NELL1: variants seen among roughly 807,000 people sequenced by gnomAD.
NELL1 encodes the protein neural EGFL like 1, also known as protein kinase C-binding protein NELL1.
Under a neutral mutation model 107.4 loss-of-function variants are expected in NELL1, and 76 were observed. The observed-to-expected ratio is 0.71, with a 90% CI of 0.59 to 0.86. NELL1 has a LOEUF of 0.86. NELL1 is among the 40% of genes least tolerant of loss of function. The probability of loss-of-function intolerance (pLI) is 0.00; values close to 1 mark genes in which losing one functional copy is unlikely to be tolerated. For missense variants in NELL1, 1,024 were observed against 1,005.5 expected, an observed-to-expected ratio of 1.02 and a Z score of -0.25; for synonymous variants, 353 against 341.2, an observed-to-expected ratio of 1.03 and a Z score of -0.38.
At chr11:21,290,108 G>A (rs138361034) in intron 14 of NELL1, among the ~76,000 whole-genome samples, 4,512 of 152,224 alleles carry the variant, frequency 0.03, 232 homozygotes, top group African/African-American at 0.1. Flanking sequence ...GGTGGCTCAC[G>A]CCTGTAATCC....
chr11:21,478,311 A>G (rs1324019968), intron 15 of NELL1, among the ~76,000 whole-genome samples: 1 of 152,142 alleles, frequency 6.6e-6, no homozygotes, highest in African/African-American at 2.4e-5. Context: ...TGAGATTTGG[A>G]TGGGGACAGA....
intron 14 of NELL1, among the ~76,000 whole-genome samples, chr11:21,352,396 G>T (rs1850837168): frequency 6.6e-6 from 1 of 152,010 alleles, no homozygotes; most frequent in African/African-American, 2.4e-5. Flanking sequence ...GTAGTATTTT[G>T]ATTGATAGTT....
chr11:20,995,708 T>C (rs1031968282), intron 12 of NELL1, among the ~76,000 whole-genome samples: 17 of 152,226 alleles, frequency 1.1e-4, no homozygotes, highest in African/African-American at 4.1e-4. Context: ...TTATTGTGTA[T>C]CAATCAATAA....
intron 7 of NELL1, among the ~76,000 whole-genome samples, chr11:20,922,175 A>G (rs759205987): frequency 5.9e-5 from 9 of 151,882 alleles, no homozygotes; most frequent in Middle Eastern, 3.4e-3. Flanking sequence ...CTTTTCCCCA[A>G]CTCTGTCCCC....
intron 19 of NELL1, among the ~76,000 whole-genome samples, chr11:21,574,497 C>G (rs1357484696): frequency 6.6e-6 from 1 of 151,798 alleles, no homozygotes; most frequent in Non-Finnish European, 1.5e-5. Flanking sequence ...CCTAACTATG[C>G]ACTATCCCCT....
At chr11:21,292,700 C>A (rs1220142821) in intron 14 of NELL1, among the ~76,000 whole-genome samples, 2 of 152,056 alleles carry the variant, frequency 1.3e-5, no homozygotes, top group East Asian at 3.9e-4. Context: ...CTACAGTAAC[C>A]AAAACATCAT....
intron 12 of NELL1, among the ~76,000 whole-genome samples, chr11:21,113,280 C>G (rs1300841075): frequency 6.6e-6 from 1 of 151,980 alleles, no homozygotes; most frequent in Non-Finnish European, 1.5e-5. Context: ...GGACACAGAA[C>G]TCCTTGAATT....
chr11:21,256,084 T>A (rs1311316842), intron 14 of NELL1, among the ~76,000 whole-genome samples: 1 of 151,958 alleles, frequency 6.6e-6, no homozygotes, highest in Non-Finnish European at 1.5e-5. Context: ...AGACCTAATA[T>A]CTTTCTTACC....
intron 14 of NELL1, among the ~76,000 whole-genome samples, chr11:21,305,584 T>C (rs1298087425): frequency 1.3e-5 from 2 of 151,868 alleles, no homozygotes; most frequent in African/African-American, 4.8e-5. Flanking sequence ...CAAGGCGATG[T>C]TGTGAATGAA....
intron 12 of NELL1, among the ~76,000 whole-genome samples, chr11:21,043,157 T>C (rs1381492085): frequency 3.9e-5 from 6 of 152,152 alleles, no homozygotes; most frequent in Non-Finnish European, 7.4e-5. Flanking sequence ...AAAGAGCTGG[T>C]GTGGGCAATG....
At chr11:20,959,915 A>G (rs1406705669) in intron 11 of NELL1, among the ~76,000 whole-genome samples, 3 of 152,224 alleles carry the variant, frequency 2.0e-5, no homozygotes, top group Non-Finnish European at 4.4e-5. Context: ...TTGTTTAGGC[A>G]TAAACACAAA....
chr11:21,311,113 G>A, intron 14 of NELL1, among the ~76,000 whole-genome samples: 1 of 152,098 alleles, frequency 6.6e-6, no homozygotes, highest in Non-Finnish European at 1.5e-5. Flanking sequence ...GCTTATTGAT[G>A]CTGTCAGGAA....
intron 14 of NELL1, chr11:21,284,899 C>T (rs1286440439): frequency 3.9e-6 from 1 of 253,490 alleles, no homozygotes; most frequent in African/African-American, 2.2e-5. Context: ...CAGGGTACCA[C>T]ATTGGACATC....
Position 21,239,203 on chromosome 11 carries a change from T to G in NELL1, c.1549+9749T>G, listed in dbSNP as rs73452281. 9.6e-3 allele frequency among the ~76,000 whole-genome samples: 1,462 copies of G among 152,160 alleles called. 28 individuals are homozygous for G. Among genetic ancestry groups the G allele is most frequent in the African/African-American group, 0.033 (1,374 of 41,520 alleles). The stretch of plus-strand genomic sequence containing the variant: ...AGAACCTATGGTGTTTCTTGCTCTG[T>G]GGTACTTCATAAACATTATGTATAT... On this transcript the variant is annotated intron_variant, in intron 14 of 19. Coordinates refer to ENST00000357134, the MANE Select transcript of NELL1 (RefSeq NM_006157.5).
At chr11:20,811,808 A>G (rs1244427181) in intron 3 of NELL1, among the ~76,000 whole-genome samples, 1 of 152,058 alleles carries the variant, frequency 6.6e-6, no homozygotes, top group Non-Finnish European at 1.5e-5. Flanking sequence ...TATCAAATTT[A>G]TTAGTTCTTA....
chr11:21,440,134 C>G, intron 15 of NELL1, among the ~76,000 whole-genome samples: 1 of 151,956 alleles, frequency 6.6e-6, no homozygotes, highest in Non-Finnish European at 1.5e-5. Context: ...GGTTCTGAAT[C>G]ACAATCTTAG....
intron 12 of NELL1, among the ~76,000 whole-genome samples, chr11:21,093,931 G>A (rs1380148887): frequency 1.3e-5 from 2 of 152,082 alleles, no homozygotes; most frequent in Non-Finnish European, 2.9e-5. Context: ...CAAATCCCAT[G>A]TCCTTGTATT....
At chr11:21,434,037 G>A (rs1414633627) in intron 15 of NELL1, among the ~76,000 whole-genome samples, 2 of 152,094 alleles carry the variant, frequency 1.3e-5, no homozygotes, top group Non-Finnish European at 2.9e-5. Flanking sequence ...TTTTTAATGG[G>A]ATTATATGGT....
intron 15 of NELL1, among the ~76,000 whole-genome samples, chr11:21,438,494 G>A (rs1180197393): frequency 6.6e-6 from 1 of 152,042 alleles, no homozygotes; most frequent in East Asian, 1.9e-4. Context: ...GTATCTGAAT[G>A]TCTATATCTC....
Sources: gnomAD v4.1 joint callset for allele counts (sites outside exome capture counted in the v4.1 genomes callset) on GRCh38, gnomAD v4.1.1 for gene constraint, MANE v1.5 for transcripts, NCBI Gene and HGNC (gene_info 2026-07-23, HGNC 2026-07-21) for gene names.